ACOT11: variants seen among roughly 807,000 people sequenced by gnomAD.
ACOT11 encodes the protein acyl-coenzyme A thioesterase 11.
Under a neutral mutation model 77.5 loss-of-function variants are expected in ACOT11, and 69 were observed. The observed-to-expected ratio is 0.89, with a 90% CI of 0.73 to 1.09. ACOT11 has a LOEUF of 1.09. ACOT11 is among the 50% of genes least tolerant of loss of function. ACOT11 has a pLI of 0.00. For synonymous variants in ACOT11, 279 were observed against 313.0 expected, an observed-to-expected ratio of 0.89 and a Z score of 1.15; for missense variants, 766 against 813.7, an observed-to-expected ratio of 0.94 and a Z score of 0.71.
At chr1:54,638,668 T>G (rs1644343999) in exon 17 of ACOT11, 1 of 147,804 alleles carries the variant, frequency 6.8e-6, no homozygotes, top group South Asian at 2.1e-4. Flanking sequence ...AGTCCCTGTG[T>G]TTTTTTTTGT....
Position 54,609,705 on chromosome 1 carries a change from C to G in ACOT11, c.*593C>G, listed in dbSNP as rs764148627. On this transcript the variant is annotated 3_prime_UTR_variant, in exon 16 of 16. Transcript: ENST00000343744. ...TGGGAGATTTTGGCCCCAACCCACA[C>G]AGGCCAATGCAAGAGGCCAAGGCTG... is the stretch of plus-strand genomic sequence containing the variant. The G allele has an allele frequency of 6.2e-7, 1 of 1,614,126 alleles. No homozygotes were observed. Among genetic ancestry groups the G allele is most frequent in the Admixed American group, 1.7e-5 (1 of 60,038 alleles).
exon 17 of ACOT11, chr1:54,638,368 ACT>A (rs1261488761): frequency 2.6e-5 from 4 of 151,988 alleles, no homozygotes; most frequent in Admixed American, 6.6e-5. Context: ...CAACTAAGAA[ACT>A]CTTTTGTGAG....
At chr1:54,600,098 A>G (rs1254724086) in intron 8 of ACOT11, among the ~76,000 whole-genome samples, 1 of 152,198 alleles carries the variant, frequency 6.6e-6, no homozygotes. Flanking sequence ...TTACTAGTAG[A>G]ACGCCAGAGA....
intron 16 of ACOT11, among the ~76,000 whole-genome samples, chr1:54,631,165 G>A (rs1644297718): frequency 6.6e-6 from 1 of 152,188 alleles, no homozygotes; most frequent in African/African-American, 2.4e-5. Context: ...GCGAAAAGTA[G>A]TTGCCCCAGT....
chr1:54,596,701 G>A (rs1654910977), intron 6 of ACOT11, among the ~76,000 whole-genome samples: 1 of 152,162 alleles, frequency 6.6e-6, no homozygotes, highest in Non-Finnish European at 1.5e-5. Flanking sequence ...AGCCTCCTGA[G>A]TAGCTGGGAT....
At chr1:54,594,795 C>T in intron 6 of ACOT11, 104 bp downstream of exon 6, 1 of 1,464,674 alleles carries the variant, frequency 6.8e-7, no homozygotes. Flanking sequence ...GCTCCGGGGA[C>T]TTCCACCCAC....
intron 1 of ACOT11, among the ~76,000 whole-genome samples, chr1:54,571,028 C>T (rs2100961748): frequency 6.6e-6 from 1 of 151,270 alleles, no homozygotes; most frequent in East Asian, 1.9e-4. Flanking sequence ...AAGCACTTTA[C>T]ATGTATAATC....
intron 1 of ACOT11, among the ~76,000 whole-genome samples, chr1:54,581,050 A>AG (rs1364947129): frequency 6.6e-6 from 1 of 152,178 alleles, no homozygotes; most frequent in Admixed American, 6.5e-5. Context: ...AGTCCTGAGC[A>AG]GGGGAAGTGC....
chr1:54,549,090 A>G (rs902409052), intron 1 of ACOT11, among the ~76,000 whole-genome samples: 7 of 152,078 alleles, frequency 4.6e-5, no homozygotes, highest in Admixed American at 1.3e-4. Context: ...TAAATGTCTT[A>G]TCTATCCTCT....
chr1:54,576,318 G>C (rs560404), intron 1 of ACOT11, among the ~76,000 whole-genome samples: 18,010 of 151,706 alleles, frequency 0.12, 2,536 homozygotes, highest in African/African-American at 0.34. Context: ...ATGGCTTGAG[G>C]TCAGGAGCTC....
chr1:54,634,876 G>C (rs1159678554), exon 17 of ACOT11: 2 of 521,178 alleles, frequency 3.8e-6, no homozygotes, highest in African/African-American at 3.9e-5. Context: ...GCTAAGAACA[G>C]ATCAAGAAGC....
intron 1 of ACOT11, among the ~76,000 whole-genome samples, chr1:54,557,695 T>G (rs1340365311): frequency 6.6e-6 from 1 of 152,210 alleles, no homozygotes; most frequent in Admixed American, 6.5e-5. Flanking sequence ...TATTAGTATA[T>G]AGAAAGACTA....
In ACOT11 at chr1:54,597,345, A is replaced by G; in HGVS notation, c.694A>G (p.Asn232Asp). Reference sequence around the variant, plus strand: ...GGAGCTGGTCCTGCCTCCCCACGCCAATCACCAGGGCAACACCTTTGGGGG... The same window carrying G: ...GGAGCTGGTCCTGCCTCCCCACGCCGATCACCAGGGCAACACCTTTGGGGG... ...SVELVLPPHA[N>D]HQGNTFGGQI... The change falls in exon 7 of 16, where the codon AAT becomes GAT. Residue 232 changes from asparagine (N) to aspartate (D), a missense_variant. Coordinates refer to ENST00000343744, the MANE Select transcript of ACOT11 (RefSeq NM_147161.4). 6.2e-7 allele frequency: 1 copy of G among 1,613,964 alleles called. No homozygotes were observed. Among genetic ancestry groups the G allele is most frequent in the Non-Finnish European group, 8.5e-7 (1 of 1,179,996 alleles).
chr1:54,619,631 G>C (rs1644209232), intron 15 of ACOT11, among the ~76,000 whole-genome samples: 1 of 152,178 alleles, frequency 6.6e-6, no homozygotes, highest in African/African-American at 2.4e-5. Context: ...AGGGAGGACA[G>C]TATAGTCATT....
intron 1 of ACOT11, chr1:54,548,567 C>G (rs1652955957): frequency 1.6e-6 from 1 of 616,198 alleles, no homozygotes; most frequent in Admixed American, 3.0e-5. Context: ...CACGGGCTGG[C>G]TGTGTAGAGT....
intron 15 of ACOT11, chr1:54,619,902 G>T (rs1644212000): frequency 6.2e-7 from 1 of 1,614,062 alleles, no homozygotes. Context: ...GCTGTTGGCT[G>T]CGTGGTACCA....
Position 54,554,193 on chromosome 1 carries a change from C to CAA in ACOT11, c.33+5861_33+5862dup, listed in dbSNP as rs534129543. 1.7e-3 allele frequency among the ~76,000 whole-genome samples: 237 copies of CAA among 137,814 alleles called. 1 individual carries two copies. The highest frequency in any genetic ancestry group is 2.7e-3 in the Non-Finnish European group (170 of 63,902). 90.4% of individuals were successfully genotyped at this position (137,814 alleles called of 152,430 possible). ...ACACAAAAACAAAAACAAAAGAAAA[C>CAA]AAAAAAAAAAACTCCACCATAACAT... On this transcript the variant is annotated intron_variant, in intron 1 of 15. Coordinates refer to ENST00000343744, the MANE Select transcript of ACOT11 (RefSeq NM_147161.4).
downstream of ACOT11, among the ~76,000 whole-genome samples, chr1:54,613,183 C>T (rs1052545325): frequency 1.3e-5 from 2 of 151,926 alleles, no homozygotes; most frequent in African/African-American, 2.4e-5. Context: ...AGTTCGAGAC[C>T]AGCCTGACCA....
At chr1:54,585,970 T>C (rs2100980497) in intron 3 of ACOT11, 66 bp downstream of exon 3, 1 of 1,537,314 alleles carries the variant, frequency 6.5e-7, no homozygotes, top group Non-Finnish European at 9.0e-7. Flanking sequence ...CCTGTCCTCC[T>C]GACTCCCTGC....
Sources: allele counts gnomAD v4.1 joint callset (sites outside exome capture counted in the v4.1 genomes callset), GRCh38; gene constraint gnomAD v4.1.1; transcripts MANE v1.5; gene names NCBI Gene and HGNC (gene_info 2026-07-23, HGNC 2026-07-21).